FAM227B: variants seen among roughly 807,000 people sequenced by gnomAD.
FAM227B encodes protein FAM227B.
FAM227B carries 88 observed loss-of-function variants against 73.8 expected under a neutral mutation model. The observed-to-expected ratio is 1.19, with a 90% confidence interval of 1.00 to 1.42. FAM227B has a LOEUF of 1.42. Among genes scored for constraint, FAM227B ranks in the 40% most tolerant of loss-of-function variants. The probability of loss-of-function intolerance (pLI) is 0.00; values close to 1 mark genes in which losing one functional copy is unlikely to be tolerated. For missense variants in FAM227B, 632 were observed against 590.9 expected, an observed-to-expected ratio of 1.07 and a Z score of -0.72; for synonymous variants, 210 against 190.5, an observed-to-expected ratio of 1.10 and a Z score of -0.84.
chr15:49,356,065 T>A (rs1287505965), intron 13 of FAM227B, among the ~76,000 whole-genome samples: 1 of 147,096 alleles, frequency 6.8e-6, no homozygotes, highest in Non-Finnish European at 1.5e-5. Flanking sequence ...CCAACAGGCC[T>A]GCCTTACAAG....
chr15:49,483,859 T>C (rs890325095), intron 11 of FAM227B, among the ~76,000 whole-genome samples: 2 of 152,032 alleles, frequency 1.3e-5, no homozygotes, highest in African/African-American at 2.4e-5. Context: ...AAATTAACCT[T>C]TTATCTTCCA....
chr15:49,388,795 A>G (rs943162287), intron 11 of FAM227B, among the ~76,000 whole-genome samples: 2 of 151,956 alleles, frequency 1.3e-5, no homozygotes, highest in Admixed American at 6.6e-5. Context: ...CCAAGAAAAA[A>G]TACAAATAAT....
intron 3 of FAM227B, among the ~76,000 whole-genome samples, chr15:49,593,497 T>C (rs2076706586): frequency 6.6e-6 from 1 of 152,164 alleles, no homozygotes; most frequent in African/African-American, 2.4e-5. Context: ...GTTACATGAA[T>C]AGGTTCTTCA....
chr15:49,578,443 T>C (rs778845304), intron 5 of FAM227B, among the ~76,000 whole-genome samples: 1 of 150,322 alleles, frequency 6.7e-6, no homozygotes, highest in Non-Finnish European at 1.5e-5. Flanking sequence ...AAAACATACA[T>C]AATATGTATA....
intron 5 of FAM227B, among the ~76,000 whole-genome samples, chr15:49,585,274 G>A (rs1001155410): frequency 1.3e-5 from 2 of 152,222 alleles, no homozygotes; most frequent in Non-Finnish European, 2.9e-5. Flanking sequence ...CATTGTGGAA[G>A]TCAATGTGGC....
At chr15:49,619,248 T>C (rs762442234) in intron 1 of FAM227B, among the ~76,000 whole-genome samples, 37 of 152,344 alleles carry the variant, frequency 2.4e-4, no homozygotes, top group Admixed American at 5.9e-4. Context: ...TTTTAAAACA[T>C]GGACAAGAAA....
At chr15:49,541,010 GT>G (rs1199860850) in intron 10 of FAM227B, among the ~76,000 whole-genome samples, 1 of 151,974 alleles carries the variant, frequency 6.6e-6, no homozygotes, top group Non-Finnish European at 1.5e-5. Context: ...ACATTAAGCA[GT>G]TTTAAAAATC....
At chr15:49,601,929 CA>C in intron 3 of FAM227B, among the ~76,000 whole-genome samples, 1 of 152,284 alleles carries the variant, frequency 6.6e-6, no homozygotes, top group African/African-American at 2.4e-5. Context: ...TTTCACTCAA[CA>C]TAAAAATTTT....
At chr15:49,609,003 G>A (rs1196970464) in intron 3 of FAM227B, among the ~76,000 whole-genome samples, 1 of 151,932 alleles carries the variant, frequency 6.6e-6, no homozygotes, top group African/African-American at 2.4e-5. Flanking sequence ...AGATAATGTA[G>A]ATTCCTTAAG....
intron 10 of FAM227B, among the ~76,000 whole-genome samples, chr15:49,511,423 G>A (rs2058990868): frequency 6.6e-6 from 1 of 152,024 alleles, no homozygotes; most frequent in African/African-American, 2.4e-5. Flanking sequence ...CTTCTTTGAA[G>A]ATTGAGTTAG....
At chr15:49,383,433 A>G (rs2046670770) in intron 11 of FAM227B, among the ~76,000 whole-genome samples, 1 of 152,110 alleles carries the variant, frequency 6.6e-6, no homozygotes, top group African/African-American at 2.4e-5. Context: ...ACAAAATGCT[A>G]TTATACCCTT....
chr15:49,502,857 C>A (rs1216230205), intron 11 of FAM227B, among the ~76,000 whole-genome samples: 2 of 152,170 alleles, frequency 1.3e-5, no homozygotes, highest in African/African-American at 4.8e-5. Flanking sequence ...ATCATGAAGG[C>A]AGAGCCCTCA....
chr15:49,340,923 TTTGAG>T (rs2040624962), intron 13 of FAM227B, among the ~76,000 whole-genome samples: 1 of 152,160 alleles, frequency 6.6e-6, no homozygotes. Flanking sequence ...TTTAATCCAT[TTTGAG>T]TTAATTTTTG....
intron 11 of FAM227B, among the ~76,000 whole-genome samples, chr15:49,461,234 T>C (rs184988262): frequency 6.6e-6 from 1 of 152,346 alleles, no homozygotes; most frequent in African/African-American, 2.4e-5. Context: ...TTTGGGCTAA[T>C]TGCAGGTCTC....
intron 11 of FAM227B, among the ~76,000 whole-genome samples, chr15:49,372,323 CCATT>C (rs2045901427): frequency 6.6e-6 from 1 of 151,852 alleles, no homozygotes; most frequent in African/African-American, 2.4e-5. Context: ...TCCTCGCAAA[CCATT>C]CAGTGAGCTA....
At chr15:49,385,484 C>A (rs1025063584) in intron 11 of FAM227B, among the ~76,000 whole-genome samples, 1 of 150,740 alleles carries the variant, frequency 6.6e-6, no homozygotes, top group African/African-American at 2.4e-5. Context: ...AAATGGTAAT[C>A]AATATTGTTA....
chr15:49,557,439 T>C (rs2073822143), intron 9 of FAM227B, among the ~76,000 whole-genome samples: 1 of 152,208 alleles, frequency 6.6e-6, no homozygotes, highest in South Asian at 2.1e-4. Flanking sequence ...TGCTGTTGCT[T>C]TCCTCTTTTA....
intron 11 of FAM227B, among the ~76,000 whole-genome samples, chr15:49,447,713 G>A (rs2052354969): frequency 6.6e-6 from 1 of 151,622 alleles, no homozygotes; most frequent in Non-Finnish European, 1.5e-5. Flanking sequence ...ATGGATAATT[G>A]TTAATACTTG....
chr15:49,450,817 C>T (rs1003802801), intron 11 of FAM227B, among the ~76,000 whole-genome samples: 2 of 152,124 alleles, frequency 1.3e-5, no homozygotes, highest in Admixed American at 1.3e-4. Flanking sequence ...AAATCTGTTA[C>T]AGGCAATTGG....
Sources: allele counts gnomAD v4.1 joint callset (sites outside exome capture counted in the v4.1 genomes callset), GRCh38; gene constraint gnomAD v4.1.1; transcripts MANE v1.5; gene names NCBI Gene and HGNC (gene_info 2026-07-23, HGNC 2026-07-21).